Variants in METTL15 observed in about 807,000 individuals in gnomAD.
METTL15 encodes the protein methyltransferase 15, mitochondrial 12S rRNA N4-cytidine.
A neutral mutation model predicts 38.3 loss-of-function variants in METTL15; 34 were observed. That is an observed-to-expected ratio of 0.89 (90% CI 0.68 to 1.18). The LOEUF is 1.18. Among genes scored for constraint, METTL15 ranks in the 50% most tolerant of loss-of-function variants. METTL15 has a pLI of 0.00. For missense variants in METTL15, 438 were observed against 498.4 expected (o/e 0.88, Z 1.15); for synonymous variants, 162 against 170.9 (o/e 0.95, Z 0.41).
At chr11:28,342,361 C>T (rs1215332752) in intron 3 of METTL15, among the ~76,000 whole-genome samples, 1 of 152,100 alleles carries the variant, frequency 6.6e-6, no homozygotes, top group Admixed American at 6.6e-5. Flanking sequence ...CTCCCAGGTT[C>T]AAGTGGTCCT....
chr11:28,307,425 T>C (rs1857120759), intron 6 of METTL15, among the ~76,000 whole-genome samples: 1 of 151,972 alleles, frequency 6.6e-6, no homozygotes, highest in South Asian at 2.1e-4. Flanking sequence ...GTTCATAGTT[T>C]TGATGTTTAT....
chr11:28,195,897 T>C (rs555551040), intron 3 of METTL15, among the ~76,000 whole-genome samples: 1 of 152,052 alleles, frequency 6.6e-6, no homozygotes, highest in South Asian at 2.1e-4. Context: ...GAAATAGGGA[T>C]CCAGTTTCAT....
intron 4 of METTL15, among the ~76,000 whole-genome samples, chr11:28,214,144 G>C (rs1455236363): frequency 6.6e-6 from 1 of 151,796 alleles, no homozygotes; most frequent in Non-Finnish European, 1.5e-5. Context: ...CTGGGCTCAA[G>C]TGACCCTTCT....
At chr11:28,219,901 G>C (rs1466775473) in intron 4 of METTL15, among the ~76,000 whole-genome samples, 2 of 151,972 alleles carry the variant, frequency 1.3e-5, no homozygotes, top group South Asian at 4.2e-4. Flanking sequence ...TGATTTCTAG[G>C]TTGATTGCAC....
downstream of METTL15, among the ~76,000 whole-genome samples, chr11:28,335,333 C>T (rs1175587486): frequency 2.0e-5 from 3 of 152,102 alleles, no homozygotes; most frequent in Admixed American, 2.0e-4. Flanking sequence ...GGTTTGAATT[C>T]CGGATCTACA....
chr11:28,299,570 A>C (rs1434260853), intron 6 of METTL15, among the ~76,000 whole-genome samples: 1 of 152,142 alleles, frequency 6.6e-6, no homozygotes, highest in Non-Finnish European at 1.5e-5. Flanking sequence ...ATACCAGAGA[A>C]TCCAAAGAAT....
At chr11:28,138,238 A>T (rs1590791315) in intron 3 of METTL15, among the ~76,000 whole-genome samples, 1 of 152,256 alleles carries the variant, frequency 6.6e-6, no homozygotes, top group South Asian at 2.1e-4. Flanking sequence ...AATGAAATGG[A>T]GAAAAATAAT....
downstream of METTL15, among the ~76,000 whole-genome samples, chr11:28,334,998 A>G (rs1268671655): frequency 1.3e-5 from 2 of 152,284 alleles, no homozygotes; most frequent in East Asian, 1.9e-4. Flanking sequence ...ATACTGAACA[A>G]GTTTTCTACT....
chr11:28,415,860 T>C (rs1395212514), intron 5 of METTL15, among the ~76,000 whole-genome samples: 3 of 152,140 alleles, frequency 2.0e-5, no homozygotes, highest in Non-Finnish European at 4.4e-5. Flanking sequence ...AAGGGGTTTA[T>C]TATAGGATAC....
intron 3 of METTL15, among the ~76,000 whole-genome samples, chr11:28,137,810 T>C (rs1241058571): frequency 6.6e-6 from 1 of 152,002 alleles, no homozygotes; most frequent in East Asian, 1.9e-4. Flanking sequence ...TCAAAAAATA[T>C]TGGATCTAAG....
intron 6 of METTL15, among the ~76,000 whole-genome samples, chr11:28,432,799 G>A (rs976421899): frequency 2.0e-5 from 3 of 152,176 alleles, no homozygotes; most frequent in African/African-American, 4.8e-5. Context: ...GAGGTAATAT[G>A]GAAGCAATTG....
chr11:28,465,751 A>G (rs912518448), intron 6 of METTL15, among the ~76,000 whole-genome samples: 5 of 152,082 alleles, frequency 3.3e-5, no homozygotes, highest in Non-Finnish European at 7.4e-5. Context: ...AGATTCTCCT[A>G]TTGACATTTT....
At chr11:28,237,166 A>T (rs1255857100) in intron 4 of METTL15, among the ~76,000 whole-genome samples, 1 of 151,922 alleles carries the variant, frequency 6.6e-6, no homozygotes, top group Non-Finnish European at 1.5e-5. Context: ...TAGTTTGGGG[A>T]AGTTCTCCTG....
chr11:28,522,374 C>A (rs1011327331), intron 6 of METTL15, among the ~76,000 whole-genome samples: 1 of 152,154 alleles, frequency 6.6e-6, no homozygotes, highest in African/African-American at 2.4e-5. Flanking sequence ...GGCTGGAGAC[C>A]CGAAGAAGAG....
intron 4 of METTL15, among the ~76,000 whole-genome samples, chr11:28,221,021 A>T (rs941976236): frequency 1.3e-5 from 2 of 152,222 alleles, no homozygotes; most frequent in Non-Finnish European, 2.9e-5. Context: ...ACTTTGGTGA[A>T]TCTGACAGTT....
chr11:28,326,469 C>T (rs1422198312), intron 6 of METTL15, among the ~76,000 whole-genome samples: 1 of 152,088 alleles, frequency 6.6e-6, no homozygotes, highest in African/African-American at 2.4e-5. Context: ...TTCATAGAAC[C>T]TTGCTAATCC....
rs1339807237 is a variant in METTL15 at position 28,397,789 on chromosome 11, T to C, written c.*359-26510T>C. On this transcript the variant is annotated intron_variant and NMD_transcript_variant, in intron 5 of 7. Coordinates refer to the METTL15 transcript ENST00000532947. The stretch of plus-strand genomic sequence containing the variant: ...ATGCTGCTATAAAGACACATGCACA[T>C]GTATGTTTATTGTGGCACTATTCAC... Among the ~76,000 whole-genome samples the C allele has an allele frequency of 2.6e-5, 4 of 152,102 alleles. No individual in the cohort carries two copies. The South Asian group carries it at 6.2e-4, about 24-fold the overall frequency.
At chr11:28,362,551 A>G (rs1850148949) in intron 5 of METTL15, among the ~76,000 whole-genome samples, 1 of 152,106 alleles carries the variant, frequency 6.6e-6, no homozygotes, top group African/African-American at 2.4e-5. Context: ...TGTATATTCA[A>G]TGTTTAGCTC....
intron 4 of METTL15, among the ~76,000 whole-genome samples, chr11:28,353,177 G>T (rs1268893829): frequency 6.6e-6 from 1 of 151,830 alleles, no homozygotes; most frequent in East Asian, 1.9e-4. Context: ...AAGGAGAAGA[G>T]CCCCAGAAGT....
Sources: gnomAD v4.1 joint callset for allele counts (sites outside exome capture counted in the v4.1 genomes callset) on GRCh38, gnomAD v4.1.1 for gene constraint, MANE v1.5 for transcripts, NCBI Gene and HGNC (gene_info 2026-07-23, HGNC 2026-07-21) for gene names.